Variants in SYNDIG1 observed in about 807,000 individuals in gnomAD.
SYNDIG1 encodes the protein synapse differentiation-inducing gene protein 1.
Under a neutral mutation model 19.4 loss-of-function variants are expected in SYNDIG1, and 9 were observed. The observed-to-expected ratio is 0.46, with a 90% CI of 0.28 to 0.81. The LOEUF is 0.81. SYNDIG1 is among the 30% of genes least tolerant of loss of function. SYNDIG1 has a pLI of 0.12. For synonymous variants in SYNDIG1, 141 were observed against 145.9 expected (o/e 0.97, Z 0.24); for missense variants, 311 against 343.3 (o/e 0.91, Z 0.74).
In SYNDIG1 at chr20:24,543,290, A is replaced by C; in HGVS notation, c.193A>C (p.Ser65Arg). ...CACAGTGCCGGCCAGCCTGGACAGC[A>C]GCAGGAGTGAGCCGATGCAGCAGCT... Reference protein sequence around the residue: ...ASTVPASLDSSRSEPMQQLLD... With the variant: ...ASTVPASLDSRRSEPMQQLLD... Residue 65 changes from serine to arginine, a missense_variant, in exon 2 of 4, where the codon AGC becomes CGC. By Grantham distance (110) the Ser-to-Arg change is moderately radical. Coordinates refer to ENST00000376862, the MANE Select transcript of SYNDIG1 (RefSeq NM_024893.3). The C allele has an allele frequency of 1.9e-6, 3 of 1,613,600 alleles. No individual in the cohort carries two copies. The highest frequency in any genetic ancestry group is 2.5e-6 in the Non-Finnish European group (3 of 1,180,030).
At chr20:24,636,276 A>G (rs1188706082) in intron 3 of SYNDIG1, among the ~76,000 whole-genome samples, 1 of 152,210 alleles carries the variant, frequency 6.6e-6, no homozygotes, top group African/African-American at 2.4e-5. Flanking sequence ...TAAATACCCA[A>G]GGTTCATTGT....
intron 3 of SYNDIG1, among the ~76,000 whole-genome samples, chr20:24,620,897 T>TAA (rs2059028040): frequency 6.6e-6 from 1 of 152,238 alleles, no homozygotes; most frequent in Admixed American, 6.5e-5. Context: ...TCAGTTCTTA[T>TAA]AAGTTCATGG....
At chr20:24,496,699 C>T (rs987726969) in intron 1 of SYNDIG1, among the ~76,000 whole-genome samples, 2 of 152,178 alleles carry the variant, frequency 1.3e-5, no homozygotes, top group Non-Finnish European at 2.9e-5. Context: ...ATACACAGCA[C>T]AGTGTGGTAA....
At chr20:24,660,527 C>T (rs1346748837) in intron 3 of SYNDIG1, among the ~76,000 whole-genome samples, 1 of 152,218 alleles carries the variant, frequency 6.6e-6, no homozygotes, top group Non-Finnish European at 1.5e-5. Flanking sequence ...TCCCCTCCTC[C>T]TCCCCACTCG....
chr20:24,483,631 C>T (rs755084245), intron 1 of SYNDIG1, among the ~76,000 whole-genome samples: 6 of 152,372 alleles, frequency 3.9e-5, no homozygotes, highest in South Asian at 2.1e-4. Context: ...CCTCTGAGCA[C>T]GCGTGTGCAC....
intron 3 of SYNDIG1, among the ~76,000 whole-genome samples, chr20:24,660,573 G>T (rs1332714444): frequency 6.6e-6 from 1 of 152,242 alleles, no homozygotes; most frequent in African/African-American, 2.4e-5. Context: ...ACAAGGTGCG[G>T]TTGGCAGGAG....
At chr20:24,485,781 A>G (rs75484954) in intron 1 of SYNDIG1, among the ~76,000 whole-genome samples, 2,366 of 152,286 alleles carry the variant, frequency 0.016, 52 homozygotes, top group African/African-American at 0.053. Flanking sequence ...AGCAGGAGCT[A>G]CTGACTCAGC....
chr20:24,659,870 A>T (rs559562771), intron 3 of SYNDIG1, among the ~76,000 whole-genome samples: 1 of 152,322 alleles, frequency 6.6e-6, no homozygotes, highest in East Asian at 1.9e-4. Flanking sequence ...TTCTCTGTAG[A>T]TGGTTCTTAT....
chr20:24,630,954 G>T (rs184996055), intron 3 of SYNDIG1, among the ~76,000 whole-genome samples: 1 of 152,370 alleles, frequency 6.6e-6, no homozygotes, highest in East Asian at 1.9e-4. Context: ...ATCACATGAT[G>T]ATTTGGGTCT....
intron 2 of SYNDIG1, among the ~76,000 whole-genome samples, chr20:24,552,429 G>A (rs2057723041): frequency 6.6e-6 from 1 of 152,058 alleles, no homozygotes; most frequent in Non-Finnish European, 1.5e-5. Context: ...TTAGCATTAG[G>A]TATATCACCT....
chr20:24,471,163 C>T (rs558384715), intron 1 of SYNDIG1, among the ~76,000 whole-genome samples: 3 of 152,186 alleles, frequency 2.0e-5, no homozygotes, highest in Admixed American at 2.0e-4. Flanking sequence ...TCATAGCCCC[C>T]AGAGCCGGCC....
intron 1 of SYNDIG1, among the ~76,000 whole-genome samples, 175 bp downstream of exon 1, chr20:24,469,928 A>G (rs1422190819): frequency 6.6e-6 from 1 of 151,486 alleles, no homozygotes; most frequent in Non-Finnish European, 1.5e-5. Flanking sequence ...CGCCCGCGGT[A>G]AGTCCGGGTG....
chr20:24,517,252 T>G (rs982493948), intron 1 of SYNDIG1, among the ~76,000 whole-genome samples: 3 of 151,230 alleles, frequency 2.0e-5, no homozygotes, highest in African/African-American at 7.3e-5. Context: ...TGTACATATG[T>G]AACAAACCTG....
At chr20:24,592,173 C>G (rs2058522263) in intron 3 of SYNDIG1, among the ~76,000 whole-genome samples, 2 of 152,168 alleles carry the variant, frequency 1.3e-5, no homozygotes. Context: ...ACAGGCTGTT[C>G]TTTCTCCTCT....
At chr20:24,558,399 T>G (rs1047364729) in intron 2 of SYNDIG1, among the ~76,000 whole-genome samples, 1 of 152,222 alleles carries the variant, frequency 6.6e-6, no homozygotes, top group African/African-American at 2.4e-5. Context: ...GTGTGATGTA[T>G]CTTTTCCTAT....
intron 3 of SYNDIG1, among the ~76,000 whole-genome samples, chr20:24,623,129 A>G (rs1409203803): frequency 6.6e-6 from 1 of 151,808 alleles, no homozygotes; most frequent in African/African-American, 2.4e-5. Flanking sequence ...CAGTGAGCTG[A>G]GATCATGCCC....
intron 3 of SYNDIG1, among the ~76,000 whole-genome samples, chr20:24,618,847 T>C (rs2058991647): frequency 6.6e-6 from 1 of 152,202 alleles, no homozygotes; most frequent in Non-Finnish European, 1.5e-5. Context: ...TTTATTTATT[T>C]TGTGGTGGTT....
At chr20:24,554,355 G>A (rs1600607181) in intron 2 of SYNDIG1, among the ~76,000 whole-genome samples, 1 of 152,222 alleles carries the variant, frequency 6.6e-6, no homozygotes, top group South Asian at 2.1e-4. Context: ...GAATAGGAGT[G>A]ATGAGAGAGG....
Position 24,552,561 on chromosome 20 carries a change from G to GT in SYNDIG1, c.480+8993dup, listed in dbSNP as rs35385611. Among the ~76,000 whole-genome samples the GT allele has an allele frequency of 3.1e-4, 47 of 150,960 alleles. 1 individual carries two copies. Among genetic ancestry groups the GT allele is most frequent in the East Asian group, 9.8e-4 (5 of 5,110 alleles). On this transcript the variant is annotated intron_variant, in intron 2 of 3. Transcript: ENST00000376862. ...CTATGAGTGAGAACATGAGATGTTT[G>GT]TTTTTTTTTGTCCTTGCAATAGTTT... is the stretch of plus-strand genomic sequence containing the variant.
Sources: allele counts gnomAD v4.1 joint callset (sites outside exome capture counted in the v4.1 genomes callset), GRCh38; gene constraint gnomAD v4.1.1; transcripts MANE v1.5; gene names NCBI Gene and HGNC (gene_info 2026-07-23, HGNC 2026-07-21).